Variants in UTRN observed in about 807,000 individuals in gnomAD.
UTRN encodes the protein dystrophin-related protein 1.
In UTRN, 283 loss-of-function variants were observed where a neutral mutation model predicts 463.9. The observed-to-expected ratio is 0.61, with a 90% CI of 0.55 to 0.67. The LOEUF (loss-of-function observed/expected upper bound fraction) is 0.67, where lower values mean the gene tolerates loss of function less well. Ranked by LOEUF, UTRN falls within the 30% of genes least tolerant of loss-of-function variation. UTRN has a pLI of 0.00. For missense variants in UTRN, 3,922 were observed against 4,084.3 expected (o/e 0.96, Z 1.08); for synonymous variants, 1,442 against 1,431.5 (o/e 1.01, Z -0.17).
At chr6:144,476,826 G>A (rs1791259567) in intron 25 of UTRN, among the ~76,000 whole-genome samples, 1 of 152,170 alleles carries the variant, frequency 6.6e-6, no homozygotes, top group South Asian at 2.1e-4. Flanking sequence ...TTCGAGGAGG[G>A]TATGGGAACT....
chr6:144,734,588 C>T (rs1368721514), intron 54 of UTRN, among the ~76,000 whole-genome samples: 4 of 152,116 alleles, frequency 2.6e-5, no homozygotes, highest in African/African-American at 9.7e-5. Flanking sequence ...CTCCTTTGTC[C>T]TTTTGTCACC....
intron 50 of UTRN, among the ~76,000 whole-genome samples, chr6:144,572,018 CTTTT>C (rs769553497): frequency 3.9e-4 from 59 of 152,188 alleles, no homozygotes; most frequent in Admixed American, 4.6e-4. Flanking sequence ...TTGTTTTTGC[CTTTT>C]TTGTTTGTTT....
At chr6:144,715,701 C>A (rs1471739410) in intron 53 of UTRN, among the ~76,000 whole-genome samples, 2 of 143,214 alleles carry the variant, frequency 1.4e-5, no homozygotes, top group Non-Finnish European at 1.5e-5. Flanking sequence ...CTTCCCCCCC[C>A]ACCCTTTTCT....
In UTRN at chr6:144,487,584, C is replaced by T. The variant is rs142129588; in HGVS notation, c.3859C>T (p.Arg1287Cys). ...TGTTCTGCGCCACCCGGCAGATAAT[C>T]GCACCCAGATTCGAGAGCTTGGCCA... ...ESVLRHPADNRTQIRELGQTL... is the reference protein window; with the variant it reads ...ESVLRHPADNCTQIRELGQTL... The change falls in exon 29 of 75, where the codon CGC becomes TGC. Residue 1287 changes from arginine (R) to cysteine (C), a missense_variant. Arg to Cys is a radical substitution (Grantham distance 180, BLOSUM62 -3). This residue lies in a region of UTRN where 2,349 missense variants were observed against 2,303.8 expected (regional missense o/e 1.02). Transcript: ENST00000367545. 3.6e-4 allele frequency: 584 copies of T among 1,613,070 alleles called. 3 individuals carry two copies. The African/African-American group carries it at 6.8e-3, about 19-fold the overall frequency.
intron 29 of UTRN, 54 bp downstream of exon 29, chr6:144,487,751 G>T (rs10428720): frequency 0.01 from 15,392 of 1,502,264 alleles, 198 homozygotes; most frequent in African/African-American, 0.069. Context: ...AGTGGAGCTG[G>T]CCCTAAGCTC....
chr6:144,530,735 TGA>T (rs1228667111), intron 41 of UTRN, among the ~76,000 whole-genome samples: 2 of 151,868 alleles, frequency 1.3e-5, no homozygotes, highest in Non-Finnish European at 1.5e-5. Flanking sequence ...AGTGTGTGTG[TGA>T]GTGTGTTTGT....
intron 53 of UTRN, among the ~76,000 whole-genome samples, chr6:144,718,724 C>T (rs1172627481): frequency 6.6e-6 from 1 of 152,204 alleles, no homozygotes; most frequent in African/African-American, 2.4e-5. Flanking sequence ...ACATCTCCTC[C>T]TTCATTCATA....
chr6:144,550,886 AT>A, intron 47 of UTRN, 78 bp from the exon 48 acceptor site: 12 of 1,244,042 alleles, frequency 9.6e-6, no homozygotes, highest in Non-Finnish European at 1.3e-5. Flanking sequence ...GACAACTTTG[AT>A]GTCAGCACAA....
intron 38 of UTRN, 53 bp downstream of exon 38, chr6:144,516,440 A>G: frequency 6.5e-7 from 1 of 1,549,728 alleles, no homozygotes; most frequent in Non-Finnish European, 8.7e-7. Context: ...CTTCTCTATT[A>G]ATTTCATTTT....
chr6:144,448,599 G>C lies in UTRN; in HGVS notation c.1903-1G>C. ...GAAATTTTGGATGGCTTTTATTTCAGGTGACTCAGGCTGTAGCAAAGCTGG... is the reference window on the plus strand; with the variant it reads ...GAAATTTTGGATGGCTTTTATTTCACGTGACTCAGGCTGTAGCAAAGCTGG... On this transcript the variant is annotated splice_acceptor_variant, in intron 16 of 74. Coordinates refer to ENST00000367545, the MANE Select transcript of UTRN (RefSeq NM_007124.3). LOFTEE classifies it high-confidence loss of function. 1 of 1,611,592 alleles carries C rather than the reference G, an allele frequency of 6.2e-7. No homozygotes were observed. The highest frequency in any genetic ancestry group is 1.1e-5 in the South Asian group (1 of 90,390).
chr6:144,332,904 T>TTTTATTTA lies in UTRN; in HGVS notation c.79+41037_79+41044dup, dbSNP rs200334669. Among the ~76,000 whole-genome samples the TTTTATTTA allele has an allele frequency of 2.7e-3, 395 of 145,204 alleles. 2 individuals carry two copies. Among genetic ancestry groups the TTTTATTTA allele is most frequent in the Middle Eastern group, 6.9e-3 (2 of 288 alleles). On this transcript the variant is annotated intron_variant, in intron 2 of 74. Coordinates refer to ENST00000367545, the MANE Select transcript of UTRN (RefSeq NM_007124.3). The stretch of plus-strand genomic sequence containing the variant: ...TAATGTTCTCATGCTGATATTAACC[T>TTTTATTTA]TTTATTTATTTATTTATTTATTTAT...
intron 50 of UTRN, among the ~76,000 whole-genome samples, chr6:144,562,726 G>C (rs1382763800): frequency 6.6e-6 from 1 of 152,148 alleles, no homozygotes; most frequent in African/African-American, 2.4e-5. Context: ...ACCCAGAAAT[G>C]GGATTGGTGG....
intron 51 of UTRN, among the ~76,000 whole-genome samples, chr6:144,601,329 C>T (rs9390174): frequency 0.068 from 10,412 of 152,206 alleles, 979 homozygotes; most frequent in East Asian, 0.52. Flanking sequence ...TGATTCACTG[C>T]TCTAGATGCT....
intron 54 of UTRN, among the ~76,000 whole-genome samples, chr6:144,743,692 G>C (rs982802824): frequency 2.6e-5 from 4 of 152,166 alleles, no homozygotes; most frequent in African/African-American, 9.7e-5. Flanking sequence ...CTAGGGAAGT[G>C]TATTATAGTC....
At position 144,639,368 on chromosome 6, in the gene UTRN, TC is replaced by T. The variant is rs1183284011; in HGVS notation, c.7480-39036del. Among the ~76,000 whole-genome samples, 25 of 152,190 alleles carry T rather than the reference TC, an allele frequency of 1.6e-4. 1 individual carries two copies. Among genetic ancestry groups the T allele is most frequent in the Admixed American group, 2.0e-4 (3 of 15,282 alleles). On this transcript the variant is annotated intron_variant, in intron 51 of 74. Transcript: ENST00000367545. ...ACTTAACTAATTTTCCAGATTTCTG[TC>T]CTTAAATCTCTTTCATTTTCACTGG...
intron 51 of UTRN, among the ~76,000 whole-genome samples, chr6:144,623,804 A>G (rs1284132250): frequency 2.0e-5 from 3 of 152,208 alleles, no homozygotes; most frequent in South Asian, 2.1e-4. Context: ...TGGGAAAATT[A>G]TCCTGCATTG....
At chr6:144,831,783 C>T (rs772420664) in intron 69 of UTRN, among the ~76,000 whole-genome samples, 9 of 152,278 alleles carry the variant, frequency 5.9e-5, no homozygotes, top group Non-Finnish European at 1.3e-4. Flanking sequence ...ACGTCTCACT[C>T]CATCTGCCAT....
At chr6:144,554,333 C>T (rs994269021) in intron 48 of UTRN, among the ~76,000 whole-genome samples, 3 of 152,134 alleles carry the variant, frequency 2.0e-5, no homozygotes, top group East Asian at 1.9e-4. Flanking sequence ...ACTGTTAAAC[C>T]CTACCTTCAT....
chr6:144,558,253 G>T (rs956624069), intron 50 of UTRN, among the ~76,000 whole-genome samples: 1 of 152,150 alleles, frequency 6.6e-6, no homozygotes, highest in African/African-American at 2.4e-5. Context: ...AAAACTCAAA[G>T]AAGAGGGTTA....
Sources: gnomAD v4.1 joint callset for allele counts (sites outside exome capture counted in the v4.1 genomes callset) on GRCh38, gnomAD v4.1.1 for gene constraint, gnomAD v4.1.1 regional missense constraint, MANE v1.5 for transcripts, NCBI Gene and HGNC (gene_info 2026-07-23, HGNC 2026-07-21) for gene names.